Variants in HTR1E observed in about 807,000 individuals in gnomAD.
HTR1E encodes 5-HT-1E.
Under a neutral mutation model 3.4 loss-of-function variants are expected in HTR1E, and 3 were observed. That is an observed-to-expected ratio of 0.89 (90% CI 0.41 to 2.31). The LOEUF (loss-of-function observed/expected upper bound fraction) is 2.31, where lower values mean the gene tolerates loss of function less well. Among genes scored for constraint, HTR1E ranks in the 30% most tolerant of loss-of-function variants. The pLI is 0.05. For synonymous variants in HTR1E, 170 were observed against 182.8 expected, an observed-to-expected ratio of 0.93 and a Z score of 0.56; for missense variants, 392 against 467.0, an observed-to-expected ratio of 0.84 and a Z score of 1.48.
At chr6:86,967,704 T>C (rs1290254821) in intron 1 of HTR1E, among the ~76,000 whole-genome samples, 2 of 152,180 alleles carry the variant, frequency 1.3e-5, no homozygotes, top group Non-Finnish European at 2.9e-5. Flanking sequence ...ATTAACAAAA[T>C]TCAAGATATT....
chr6:86,938,158 G>A (rs191473835), intron 1 of HTR1E, among the ~76,000 whole-genome samples: 110 of 152,292 alleles, frequency 7.2e-4, no homozygotes, highest in Non-Finnish European at 1.4e-3. Context: ...TGGAACGGGT[G>A]CTGGGGGGGG....
intron 1 of HTR1E, among the ~76,000 whole-genome samples, chr6:86,996,616 C>T (rs1241851195): frequency 6.6e-6 from 1 of 151,928 alleles, no homozygotes; most frequent in Non-Finnish European, 1.5e-5. Flanking sequence ...TAAGAGAATA[C>T]TAAGGACAAT....
intron 1 of HTR1E, among the ~76,000 whole-genome samples, chr6:86,994,949 A>G (rs922687974): frequency 2.0e-5 from 3 of 152,192 alleles, no homozygotes; most frequent in African/African-American, 7.2e-5. Context: ...TAATATCTAG[A>G]GCAACTACTA....
chr6:87,006,424 A>G (rs1186053896), intron 1 of HTR1E, among the ~76,000 whole-genome samples: 1 of 152,196 alleles, frequency 6.6e-6, no homozygotes, highest in Non-Finnish European at 1.5e-5. Flanking sequence ...GTCAAGAAAC[A>G]ACAGATGCTG....
intron 1 of HTR1E, among the ~76,000 whole-genome samples, chr6:86,950,383 G>A (rs1767221053): frequency 6.6e-6 from 1 of 152,154 alleles, no homozygotes; most frequent in Non-Finnish European, 1.5e-5. Flanking sequence ...GAAGTGCACG[G>A]AAGGAATGAC....
chr6:86,994,525 A>G (rs185243061), intron 1 of HTR1E, among the ~76,000 whole-genome samples: 1 of 152,286 alleles, frequency 6.6e-6, no homozygotes, highest in Non-Finnish European at 1.5e-5. Context: ...TTCTACATGC[A>G]AAGAAAATAT....
chr6:87,014,099 C>T (rs1048219261), intron 1 of HTR1E, among the ~76,000 whole-genome samples: 2 of 151,772 alleles, frequency 1.3e-5, no homozygotes, highest in African/African-American at 4.8e-5. Context: ...ACCACACACC[C>T]GGGCCTGTCG....
At chr6:87,002,577 G>A (rs1325826870) in intron 1 of HTR1E, among the ~76,000 whole-genome samples, 1 of 152,160 alleles carries the variant, frequency 6.6e-6, no homozygotes, top group Middle Eastern at 3.2e-3. Context: ...ACATAGTGCT[G>A]ACTGGTGCAT....
At chr6:86,972,071 A>T (rs563614602) in intron 1 of HTR1E, among the ~76,000 whole-genome samples, 1 of 152,324 alleles carries the variant, frequency 6.6e-6, no homozygotes, top group South Asian at 2.1e-4. Context: ...GAGCATTATA[A>T]TTTTTTATTT....
At chr6:86,942,982 G>C (rs976065301) in intron 1 of HTR1E, among the ~76,000 whole-genome samples, 5 of 152,174 alleles carry the variant, frequency 3.3e-5, no homozygotes, top group African/African-American at 1.2e-4. Flanking sequence ...AATTTCTCCA[G>C]CACAAAAGAT....
At chr6:86,966,716 A>T (rs1767476322) in intron 1 of HTR1E, among the ~76,000 whole-genome samples, 1 of 152,170 alleles carries the variant, frequency 6.6e-6, no homozygotes, top group South Asian at 2.1e-4. Context: ...GCTCAGTCTG[A>T]GTATGGAATG....
chr6:86,992,708 T>C (rs1767888514), intron 1 of HTR1E, among the ~76,000 whole-genome samples: 1 of 152,218 alleles, frequency 6.6e-6, no homozygotes, highest in Non-Finnish European at 1.5e-5. Flanking sequence ...GCAAGCACTT[T>C]GGCAAATGCT....
chr6:86,975,059 T>C (rs1341335252), intron 1 of HTR1E, among the ~76,000 whole-genome samples: 3 of 152,190 alleles, frequency 2.0e-5, no homozygotes, highest in Non-Finnish European at 4.4e-5. Context: ...GAGTTTTTAT[T>C]GCATTTGGGG....
chr6:86,957,402 C>T (rs943045690), intron 1 of HTR1E, among the ~76,000 whole-genome samples: 2 of 152,134 alleles, frequency 1.3e-5, no homozygotes, highest in Non-Finnish European at 2.9e-5. Context: ...TAGCTTTGTA[C>T]GATAACCTCT....
At chr6:86,967,272 AAAG>A (rs1394492405) in intron 1 of HTR1E, among the ~76,000 whole-genome samples, 1 of 152,198 alleles carries the variant, frequency 6.6e-6, no homozygotes, top group Admixed American at 6.5e-5. Flanking sequence ...GTGGTATTTG[AAAG>A]AAGAAAAGAC....
At chr6:86,939,690 C>T (rs1768519406) in intron 1 of HTR1E, among the ~76,000 whole-genome samples, 1 of 152,160 alleles carries the variant, frequency 6.6e-6, no homozygotes, top group Non-Finnish European at 1.5e-5. Flanking sequence ...CAATGTGTAT[C>T]CACCAGCTAA....
chr6:86,985,235 T>G (rs959064503), intron 1 of HTR1E, among the ~76,000 whole-genome samples: 1 of 152,082 alleles, frequency 6.6e-6, no homozygotes, highest in South Asian at 2.1e-4. Context: ...ATCAAGTATA[T>G]TTTTAGGATT....
chr6:86,995,045 G>A (rs1767916497), intron 1 of HTR1E, among the ~76,000 whole-genome samples: 1 of 151,920 alleles, frequency 6.6e-6, no homozygotes, highest in African/African-American at 2.4e-5. Flanking sequence ...GTAACCCACA[G>A]GAGCTGAGAG....
intron 1 of HTR1E, among the ~76,000 whole-genome samples, chr6:86,945,248 T>G (rs1165378567): frequency 6.6e-6 from 1 of 152,114 alleles, no homozygotes; most frequent in Non-Finnish European, 1.5e-5. Flanking sequence ...TTTGTTTGTT[T>G]GTTTGTTTGT....
Sources: gnomAD v4.1 joint callset for allele counts (sites outside exome capture counted in the v4.1 genomes callset) on GRCh38, gnomAD v4.1.1 for gene constraint, MANE v1.5 for transcripts, NCBI Gene and HGNC (gene_info 2026-07-23, HGNC 2026-07-21) for gene names.